RPTOR: variants seen among roughly 807,000 people sequenced by gnomAD.
The protein encoded by RPTOR is regulatory-associated protein of mTOR.
A neutral mutation model predicts 169.9 loss-of-function variants in RPTOR; 21 were observed. That is an observed-to-expected ratio of 0.12 (90% CI 0.09 to 0.18). The LOEUF (loss-of-function observed/expected upper bound fraction) is 0.18. RPTOR is among the 10% of genes least tolerant of loss of function. RPTOR has a pLI of 1.00. For missense variants in RPTOR, 1,133 were observed against 1,855.9 expected (o/e 0.61, Z 7.16); for synonymous variants, 732 against 753.2 (o/e 0.97, Z 0.46).
Position 80,730,419 on chromosome 17 carries a change from T to C in RPTOR, c.508-141T>C. 1.1e-6 allele frequency: 1 copy of C among 885,742 alleles called. No homozygotes were observed. Among genetic ancestry groups the C allele is most frequent in the East Asian group, 2.6e-5 (1 of 37,980 alleles). The allele number at this position is 885,742 out of a possible 1,614,324, so 54.9% of individuals were successfully genotyped here. A position where few individuals can be genotyped will look rare whatever the true frequency, so the allele number is the denominator to read the frequency against. On this transcript the variant is annotated intron_variant, in intron 4 of 33. Transcript: ENST00000306801. This position sits in a 1 kb window ranked among gnomAD's most constrained non-coding sequence, Gnocchi z 4.2. Reference sequence around the variant, plus strand: ...TGCGCCTGGCCAGTTTGCTGTTTTTTATAGTTTTGTATAAAGGCTAACTCA... The same window carrying C: ...TGCGCCTGGCCAGTTTGCTGTTTTTCATAGTTTTGTATAAAGGCTAACTCA...
chr17:80,612,923 A>C (rs1032812560), intron 1 of RPTOR, among the ~76,000 whole-genome samples: 7 of 152,226 alleles, frequency 4.6e-5, no homozygotes, highest in African/African-American at 1.4e-4. Context: ...GTGGATGGAA[A>C]TTTTAAGGGG....
intron 24 of RPTOR, among the ~76,000 whole-genome samples, chr17:80,930,184 CCCCAGCTCATG>C (rs1433611476): frequency 0.025 from 2,434 of 97,468 alleles, 39 homozygotes; most frequent in Admixed American, 0.052. Flanking sequence ...CCCAGCTCAT[CCCCAGCTCATG>C]CCCAGCTCAT....
chr17:80,665,705 C>T (rs1294260483), intron 3 of RPTOR, among the ~76,000 whole-genome samples: 4 of 151,518 alleles, frequency 2.6e-5, no homozygotes, highest in Non-Finnish European at 5.9e-5. Context: ...CCACCATGCC[C>T]GGCTAATTTT....
At chr17:80,949,329 C>A in intron 27 of RPTOR, 114 bp from the exon 28 acceptor site, 1 of 887,154 alleles carries the variant, frequency 1.1e-6, no homozygotes, top group South Asian at 1.4e-5. Flanking sequence ...GTCAGGCTGG[C>A]CGCCCAGGGT....
Position 80,962,604 on chromosome 17 carries a change from G to GCACCGCT in RPTOR, c.3809+32_3809+38dup, listed in dbSNP as rs761879857. The GCACCGCT allele has an allele frequency of 2.5e-5, 39 of 1,583,710 alleles. No individual in the cohort carries two copies. In the East Asian group the frequency reaches 8.3e-4, roughly 34 times the overall value. On this transcript the variant is annotated intron_variant, in intron 32 of 33. Transcript: ENST00000306801. Reference sequence around the variant, plus strand: ...TAGGCGCCACCCACCTCCCTGGCCTGCACCGCTCACCCGCCTCGGGCCTCT... The same window carrying GCACCGCT: ...TAGGCGCCACCCACCTCCCTGGCCTGCACCGCTCACCGCTCACCCGCCTCGGGCCTCT...
rs1235437954 is a variant in RPTOR at position 80,744,222 on chromosome 17, GC to G, written c.655-9787del. ...AGCCCTGGTTACTAGCACTGTCCTGGCTACTAGCACAGCCCTGGTTACTAGC... is the reference window on the plus strand; with the variant it reads ...AGCCCTGGTTACTAGCACTGTCCTGGTACTAGCACAGCCCTGGTTACTAGC... On this transcript the variant is annotated intron_variant, in intron 5 of 33. Transcript: ENST00000306801. Among the ~76,000 whole-genome samples the G allele has an allele frequency of 1.2e-4, 12 of 99,432 alleles. 3 individuals carry two copies. Among genetic ancestry groups the G allele is most frequent in the South Asian group, 2.9e-4 (1 of 3,462 alleles). The allele number at this position is 99,432 out of a possible 152,430, so 65.2% of individuals were successfully genotyped here.
At chr17:80,576,776 T>C (rs1271646842) in intron 1 of RPTOR, among the ~76,000 whole-genome samples, 3 of 152,254 alleles carry the variant, frequency 2.0e-5, no homozygotes, top group Non-Finnish European at 4.4e-5. Flanking sequence ...TGACCTTGGC[T>C]CACTGCAACC....
At position 80,739,337 on chromosome 17, in the gene RPTOR, C is replaced by T. The variant is rs547574620; in HGVS notation, c.654+8631C>T. Among the ~76,000 whole-genome samples, 25 of 152,324 alleles carry T rather than the reference C, an allele frequency of 1.6e-4. No individual in the cohort carries two copies. In the South Asian group the frequency reaches 4.6e-3, roughly 28 times the overall value. On this transcript the variant is annotated intron_variant, in intron 5 of 33. Coordinates refer to ENST00000306801, the MANE Select transcript of RPTOR (RefSeq NM_020761.3). Reference sequence around the variant, plus strand: ...CAGAAACACGGAAGAGGTGTTCATTCTCACCCATCCTCTCCAGCATCACAC... The same window carrying T: ...CAGAAACACGGAAGAGGTGTTCATTTTCACCCATCCTCTCCAGCATCACAC...
intron 16 of RPTOR, among the ~76,000 whole-genome samples, chr17:80,884,316 A>G (rs1046868060): frequency 3.3e-5 from 5 of 152,212 alleles, no homozygotes; most frequent in Non-Finnish European, 7.4e-5. Flanking sequence ...CTTTACGGGC[A>G]AGGAGTCAGG....
Position 80,965,011 on chromosome 17 carries a change from C to CA in RPTOR, c.*682dup. Reference sequence around the variant, plus strand: ...GCACAGCCCACCCTCCCCGCACCTCCAGGTCTCTGGACTCCAGTTTTGGCC... The same window carrying CA: ...GCACAGCCCACCCTCCCCGCACCTCCAAGGTCTCTGGACTCCAGTTTTGGCC... On this transcript the variant is annotated 3_prime_UTR_variant, in exon 34 of 34. Transcript: ENST00000306801. 4.3e-6 allele frequency: 1 copy of CA among 233,478 alleles called. No homozygotes were observed. The highest frequency in any genetic ancestry group is 6.0e-5 in the East Asian group (1 of 16,584). The allele number at this position is 233,478 out of a possible 1,614,324, so 14.5% of individuals were successfully genotyped here. A position where few individuals can be genotyped will look rare whatever the true frequency, so the allele number is the denominator to read the frequency against.
rs1180058333 is a variant in RPTOR, at chr17:80,960,581, G to C, written c.3605+376G>C. ...ATACTGCCACTGCCTGCCACCTCCT[G>C]GGTCATGCAGCAAGTGTCTGGGGAG... is the stretch of plus-strand genomic sequence containing the variant. On this transcript the variant is annotated intron_variant, in intron 30 of 33. Coordinates refer to ENST00000306801, the MANE Select transcript of RPTOR (RefSeq NM_020761.3). This position sits in a 1 kb window ranked among gnomAD's most constrained non-coding sequence, Gnocchi z 4.8. Among the ~76,000 whole-genome samples the C allele has an allele frequency of 6.6e-6, 1 of 152,242 alleles. No homozygotes were observed. Among genetic ancestry groups the C allele is most frequent in the Non-Finnish European group, 1.5e-5 (1 of 68,042 alleles).
intron 1 of RPTOR, among the ~76,000 whole-genome samples, chr17:80,584,721 G>A (rs907594542): frequency 6.6e-6 from 1 of 152,222 alleles, no homozygotes; most frequent in Non-Finnish European, 1.5e-5. Flanking sequence ...CGGATGGAAC[G>A]TGGACGCCAT....
At chr17:80,709,891 A>G (rs1175771611) in intron 4 of RPTOR, among the ~76,000 whole-genome samples, 2 of 151,954 alleles carry the variant, frequency 1.3e-5, no homozygotes, top group East Asian at 3.9e-4. Context: ...TCCAGACAGT[A>G]ATGATTTTTA....
intron 6 of RPTOR, 143 bp from the exon 7 acceptor site, chr17:80,791,307 C>G: frequency 1.6e-6 from 1 of 626,642 alleles, no homozygotes; most frequent in Admixed American, 3.5e-5. Context: ...CTAAAAGCTG[C>G]CGAATTAAGG....
rs996393024 is a variant in RPTOR, at chr17:80,845,448, G to A, written c.1213-1025G>A. 6.6e-6 allele frequency among the ~76,000 whole-genome samples: 1 copy of A among 151,964 alleles called. No individual in the cohort carries two copies. The highest frequency in any genetic ancestry group is 1.5e-5 in the Non-Finnish European group (1 of 68,002). ...TTCACTGAGGAAACAAGAAGCAGTC[G>A]CATGACCGCCTCTGCCGGGTCCTCC... On this transcript the variant is annotated intron_variant, in intron 10 of 33. Transcript: ENST00000306801. This position sits in a 1 kb window ranked among gnomAD's most constrained non-coding sequence, Gnocchi z 5.4.
At position 80,730,761 on chromosome 17, in the gene RPTOR, G is replaced by T; in HGVS notation, c.654+55G>T. ...CTGGGTTTGGTTTTGTTTTCCCTGG[G>T]GGTGGGGTTTGGGTGGGGAGGTTGG... On this transcript the variant is annotated intron_variant, in intron 5 of 33. Coordinates refer to ENST00000306801, the MANE Select transcript of RPTOR (RefSeq NM_020761.3). This position sits in a 1 kb window ranked among gnomAD's most constrained non-coding sequence, Gnocchi z 4.2. 1.3e-6 allele frequency: 2 copies of T among 1,513,422 alleles called. No individual in the cohort carries two copies. Among genetic ancestry groups the T allele is most frequent in the South Asian group, 1.1e-5 (1 of 88,520 alleles). 93.7% of individuals were successfully genotyped at this position (1,513,422 alleles called of 1,614,324 possible).
intron 1 of RPTOR, among the ~76,000 whole-genome samples, chr17:80,560,147 C>T (rs1242963035): frequency 6.6e-6 from 1 of 152,162 alleles, no homozygotes; most frequent in African/African-American, 2.4e-5. Flanking sequence ...CCTTGAGTAA[C>T]AAGGTAGCGA....
Position 80,708,814 on chromosome 17 carries a change from G to C in RPTOR, c.507+815G>C. The C allele has an allele frequency of 2.4e-6, 1 of 425,510 alleles. No homozygotes were observed. The highest frequency in any genetic ancestry group is 3.1e-6 in the Non-Finnish European group (1 of 318,126). The allele number at this position is 425,510 out of a possible 1,614,324, so 26.4% of individuals were successfully genotyped here. A position where few individuals can be genotyped will look rare whatever the true frequency, so the allele number is the denominator to read the frequency against. On this transcript the variant is annotated intron_variant, in intron 4 of 33. Transcript: ENST00000306801. The surrounding 1 kb of genome is among the most constrained non-coding windows in gnomAD (Gnocchi z 4.2). The stretch of plus-strand genomic sequence containing the variant: ...CTTGGAGGGTGCGGTGGCCCCATAT[G>C]TGCCTGAGCGTGTCTATGAGGGCAC...
Position 80,574,333 on chromosome 17 carries a change from T to G in RPTOR, c.162+28542T>G, listed in dbSNP as rs193218893. Among the ~76,000 whole-genome samples, 526 of 150,924 alleles carry G rather than the reference T, an allele frequency of 3.5e-3. 2 individuals carry two copies. The highest frequency in any genetic ancestry group is 0.012 in the African/African-American group (509 of 41,264). Reference sequence around the variant, plus strand: ...GCGCCCGCCACCGCGCCCGGCTAATTTTTTGTATTTTTTTAGTAGAGACGG... The same window carrying G: ...GCGCCCGCCACCGCGCCCGGCTAATGTTTTGTATTTTTTTAGTAGAGACGG... On this transcript the variant is annotated intron_variant, in intron 1 of 33. Transcript: ENST00000306801.
Sources: allele counts gnomAD v4.1 joint callset (sites outside exome capture counted in the v4.1 genomes callset), GRCh38; gene constraint gnomAD v4.1.1; non-coding constraint Gnocchi (gnomAD v3.1); transcripts MANE v1.5; gene names NCBI Gene and HGNC (gene_info 2026-07-23, HGNC 2026-07-21).